The following RASA1 variants were observed in gnomAD, a reference collection of about 807,000 sequenced individuals.
RASA1 encodes the protein RAS p21 protein activator 1.
RASA1 carries 25 observed loss-of-function variants against 132.2 expected under a neutral mutation model. The ratio of observed to expected loss-of-function variants is 0.19; its 90% CI spans 0.14 to 0.26. RASA1 has a LOEUF of 0.26. RASA1 is among the 10% of genes least tolerant of loss of function. The pLI is 1.00. For synonymous variants in RASA1, 477 were observed against 449.9 expected (o/e 1.06, Z -0.76); for missense variants, 964 against 1,299.2 (o/e 0.74, Z 3.97).
intron 1 of RASA1, 158 bp from the exon 2 acceptor site, chr5:87,331,190 T>C (rs1195761390): frequency 1.0e-6 from 1 of 982,878 alleles, no homozygotes; most frequent in Non-Finnish European, 1.6e-6. Flanking sequence ...AGACTGAGGT[T>C]AAATTGAGTT....
chr5:87,285,963 A>C (rs1261946274), intron 1 of RASA1, among the ~76,000 whole-genome samples: 1 of 151,038 alleles, frequency 6.6e-6, no homozygotes. Context: ...AGTTATCTAG[A>C]TTGTTCTATT....
intron 1 of RASA1, among the ~76,000 whole-genome samples, chr5:87,280,321 CT>C (rs796080327): frequency 4.3e-4 from 63 of 147,132 alleles, no homozygotes; most frequent in Admixed American, 6.1e-4. Context: ...TTCTTTCTTT[CT>C]TTTTTTTTTT....
chr5:87,293,607 G>C (rs1181251191), intron 1 of RASA1, among the ~76,000 whole-genome samples: 1 of 152,154 alleles, frequency 6.6e-6, no homozygotes, highest in African/African-American at 2.4e-5. Context: ...GAATGACTTA[G>C]GAAGTAACTG....
chr5:87,329,766 C>T lies in RASA1; in HGVS notation c.540-1582C>T, dbSNP rs116401058. On this transcript the variant is annotated intron_variant, in intron 1 of 24. Coordinates refer to ENST00000274376, the MANE Select transcript of RASA1 (RefSeq NM_002890.3). ...CTACTGCTTTAAGTAATGAGGAATG[C>T]ACTAGTTTCATATTCTAAGGATAAC... Among the ~76,000 whole-genome samples, 874 of 152,222 alleles carry T rather than the reference C, an allele frequency of 5.7e-3. 6 individuals are homozygous for T. The highest frequency in any genetic ancestry group is 0.022 in the South Asian group (105 of 4,816).
intron 1 of RASA1, among the ~76,000 whole-genome samples, chr5:87,276,973 A>G (rs1267555300): frequency 6.6e-6 from 1 of 152,190 alleles, no homozygotes; most frequent in Non-Finnish European, 1.5e-5. Context: ...ACTGTTTCAC[A>G]TATATTTAGA....
At position 87,379,848 on chromosome 5, in the gene RASA1, A is replaced by G. The variant is rs544745674; in HGVS notation, c.2601A>G (p.Pro867=). Residue 867 remains proline, a splice_region_variant and synonymous_variant, in exon 19 of 25, where the codon CCA becomes CCG. Coordinates refer to ENST00000274376, the MANE Select transcript of RASA1 (RefSeq NM_002890.3). ...EKIFMASEIL[P]PTLRYIYGCL... ...TATTCATGGCTTCAGAAATACTTCCACCGTAAGTGGTGAAATTTTCATTTG... is the reference window on the plus strand; with the variant it reads ...TATTCATGGCTTCAGAAATACTTCCGCCGTAAGTGGTGAAATTTTCATTTG... 1 of 1,611,952 alleles carries G rather than the reference A, an allele frequency of 6.2e-7. No homozygotes were observed. Among genetic ancestry groups the G allele is most frequent in the South Asian group, 1.1e-5 (1 of 91,004 alleles).
intron 11 of RASA1, 82 bp from the exon 12 acceptor site, chr5:87,369,731 A>T: frequency 1.2e-6 from 1 of 853,576 alleles, no homozygotes; most frequent in South Asian, 1.5e-5. Flanking sequence ...TTAATTATTT[A>T]TTGTGAGTGT....
At position 87,298,280 on chromosome 5, in the gene RASA1, G is replaced by C. The variant is rs1250485839; in HGVS notation, c.539+29290G>C. On this transcript the variant is annotated intron_variant, in intron 1 of 24. Coordinates refer to ENST00000274376, the MANE Select transcript of RASA1 (RefSeq NM_002890.3). ...AAAAATTAGCCGGGCATGGTGGCGG[G>C]TGCCTGTAGTCCCAGCTACTCGGGA... Among the ~76,000 whole-genome samples the C allele has an allele frequency of 4.0e-5, 6 of 151,868 alleles. No individual in the cohort carries two copies. The South Asian group carries it at 1.2e-3, about 32-fold the overall frequency.
Position 87,305,496 on chromosome 5 carries a change from A to G in RASA1, c.540-25852A>G, listed in dbSNP as rs575976656. Among the ~76,000 whole-genome samples, 17 of 152,330 alleles carry G rather than the reference A, an allele frequency of 1.1e-4. No homozygotes were observed. The South Asian group carries it at 3.5e-3, about 32-fold the overall frequency. ...CACCATATGCAAAAATTAAGATGAAATAAAACTAAAATATAACACCCCATA... is the reference window on the plus strand; with the variant it reads ...CACCATATGCAAAAATTAAGATGAAGTAAAACTAAAATATAACACCCCATA... On this transcript the variant is annotated intron_variant, in intron 1 of 24. Transcript: ENST00000274376.
Position 87,374,195 on chromosome 5 carries a change from C to T in RASA1, c.1809C>T (p.Ala603=), listed in dbSNP as rs746619669. 45 of 1,569,304 alleles carry T rather than the reference C, an allele frequency of 2.9e-5. No homozygotes were observed. The highest frequency in any genetic ancestry group is 3.7e-5 in the Non-Finnish European group (43 of 1,154,760). The change falls in exon 14 of 25, where the codon GCC becomes GCT. Residue 603 remains alanine (A), a synonymous_variant. Coordinates refer to ENST00000274376, the MANE Select transcript of RASA1 (RefSeq NM_002890.3). The part of the protein sequence containing the change: ...VSSLVLHIEE[A]HKLPVKHFTN... ...GCCTTGTTTTACATATTGAAGAAGC[C>T]CATAAACTCCCAGTAAAACATTTTA... is the stretch of plus-strand genomic sequence containing the variant.
At chr5:87,327,821 C>T (rs923244279) in intron 1 of RASA1, among the ~76,000 whole-genome samples, 9 of 151,854 alleles carry the variant, frequency 5.9e-5, no homozygotes, top group East Asian at 5.8e-4. Context: ...AAAAGTTAGC[C>T]GGATGTGGTG....
chr5:87,377,525 C>T lies in RASA1; in HGVS notation c.2344+485C>T, dbSNP rs559721287. On this transcript the variant is annotated intron_variant, in intron 17 of 24. Transcript: ENST00000274376. ...TTTTATTTTATTTTTTTAGTAGAGA[C>T]GGGTTTTCACCATGTTGGCCAGGCT... 3.6e-3 allele frequency among the ~76,000 whole-genome samples: 550 copies of T among 152,010 alleles called. 1 individual carries two copies. Among genetic ancestry groups the T allele is most frequent in the South Asian group, 7.5e-3 (36 of 4,814 alleles).
intron 8 of RASA1, among the ~76,000 whole-genome samples, chr5:87,350,619 G>A (rs1337445432): frequency 6.6e-6 from 1 of 150,990 alleles, no homozygotes; most frequent in African/African-American, 2.4e-5. Context: ...AAAGGTAGTC[G>A]CTTTTGGTTG....
intron 4 of RASA1, among the ~76,000 whole-genome samples, chr5:87,336,811 C>G (rs956365518): frequency 6.6e-6 from 1 of 151,990 alleles, no homozygotes; most frequent in African/African-American, 2.4e-5. Flanking sequence ...GTGGTAATGT[C>G]TGCTGCCATT....
chr5:87,378,324 C>A, intron 17 of RASA1, 72 bp from the exon 18 acceptor site: 1 of 1,538,106 alleles, frequency 6.5e-7, no homozygotes, highest in South Asian at 1.1e-5. Flanking sequence ...AAAATGAATT[C>A]ACTTAATTTC....
Position 87,349,375 on chromosome 5 carries a change from A to AT in RASA1, c.1253+17dup. ...CCGGTATTATAACAGGTAAATCATA[A>AT]TTTTTTAGCTATCTTTTACTTTTCG... On this transcript the variant is annotated intron_variant, in intron 8 of 24. Coordinates refer to ENST00000274376, the MANE Select transcript of RASA1 (RefSeq NM_002890.3). 5.0e-6 allele frequency: 8 copies of AT among 1,610,832 alleles called. No individual in the cohort carries two copies. Among genetic ancestry groups the AT allele is most frequent in the Middle Eastern group, 3.3e-4 (2 of 6,042 alleles).
At position 87,353,233 on chromosome 5, in the gene RASA1, C is replaced by A; in HGVS notation, c.1330C>A (p.Gln444Lys). The A allele has an allele frequency of 6.2e-7, 1 of 1,602,534 alleles. No homozygotes were observed. The highest frequency in any genetic ancestry group is 8.5e-7 in the Non-Finnish European group (1 of 1,170,140). Residue 444 changes from glutamine (Q) to lysine (K), a missense_variant and splice_region_variant, in exon 9 of 25, where the codon CAG becomes AAG. Transcript: ENST00000274376. The part of the protein sequence containing the change: ...GYYLKEPVPM[Q>K]DQEQVLNDTV... ...TTATCTTAAGGAACCTGTACCAATG[C>A]AGGTCAGTGTTGCATTTCTTATTGC...
At chr5:87,304,090 C>G (rs1197039428) in intron 1 of RASA1, among the ~76,000 whole-genome samples, 1 of 152,184 alleles carries the variant, frequency 6.6e-6, no homozygotes, top group African/African-American at 2.4e-5. Context: ...CTGCCTCAGC[C>G]TCCCAAAGTT....
chr5:87,362,747 A>G (rs955397091), intron 10 of RASA1, 76 bp downstream of exon 10: 3 of 1,494,538 alleles, frequency 2.0e-6, no homozygotes. Flanking sequence ...ATTGTGATAT[A>G]TATTTAATAA....
Sources: allele counts gnomAD v4.1 joint callset (sites outside exome capture counted in the v4.1 genomes callset), GRCh38; gene constraint gnomAD v4.1.1; transcripts MANE v1.5; gene names NCBI Gene and HGNC (gene_info 2026-07-23, HGNC 2026-07-21).